CNRIP1: variants seen among roughly 807,000 people sequenced by gnomAD.
CNRIP1 encodes the protein cannabinoid receptor interacting protein 1, also known as CB1 cannabinoid receptor-interacting protein 1.
A neutral mutation model predicts 15.2 loss-of-function variants in CNRIP1; 10 were observed. The observed-to-expected ratio is 0.66, with a 90% CI of 0.41 to 1.12. The LOEUF (loss-of-function observed/expected upper bound fraction) is 1.12. Among genes scored for constraint, CNRIP1 ranks in the 50% most tolerant of loss-of-function variants. CNRIP1 has a pLI of 0.00. For missense variants in CNRIP1, 211 were observed against 214.7 expected, an observed-to-expected ratio of 0.98 and a Z score of 0.11; for synonymous variants, 91 against 83.2, an observed-to-expected ratio of 1.09 and a Z score of -0.51.
At chr2:68,296,552 G>A (rs1187857633) in intron 2 of CNRIP1, among the ~76,000 whole-genome samples, 1 of 119,486 alleles carries the variant, frequency 8.4e-6, no homozygotes, top group African/African-American at 3.0e-5. Context: ...AAATGTATGT[G>A]TATATATGTG....
At chr2:68,285,023 T>C (rs950588033) in intron 2 of CNRIP1, among the ~76,000 whole-genome samples, 82 of 152,204 alleles carry the variant, frequency 5.4e-4, no homozygotes, top group East Asian at 7.7e-4. Context: ...AGCTTCTCTT[T>C]GGATGTTCTC....
Position 68,319,432 on chromosome 2 carries a change from G to T in CNRIP1, c.-32C>A, listed in dbSNP as rs567322574. 1.5e-5 allele frequency: 22 copies of T among 1,495,252 alleles called. No individual in the cohort carries two copies. Among genetic ancestry groups the T allele is most frequent in the African/African-American group, 5.6e-5 (4 of 71,308 alleles). 92.6% of individuals were successfully genotyped at this position (1,495,252 alleles called of 1,614,324 possible). A position where few individuals can be genotyped will look rare whatever the true frequency, so the allele number is the denominator to read the frequency against. ...GCGAGGGTCTGGCGCGGCGGCTCCGGGGGGCGGAGGACAGCGCCGGCTGCG... is the reference window on the plus strand; with the variant it reads ...GCGAGGGTCTGGCGCGGCGGCTCCGTGGGGCGGAGGACAGCGCCGGCTGCG... On this transcript the variant is annotated 5_prime_UTR_variant, in exon 1 of 3. Coordinates refer to ENST00000263655, the MANE Select transcript of CNRIP1 (RefSeq NM_015463.3).
chr2:68,311,235 C>A, intron 2 of CNRIP1, among the ~76,000 whole-genome samples: 1 of 151,878 alleles, frequency 6.6e-6, no homozygotes, highest in African/African-American at 2.4e-5. Context: ...GCATCATAAC[C>A]AAACTACTGA....
At chr2:68,291,548 A>G (rs1573005119), downstream of CNRIP1, among the ~76,000 whole-genome samples, 1 of 151,970 alleles carries the variant, frequency 6.6e-6, no homozygotes, top group African/African-American at 2.4e-5. Flanking sequence ...GCTTTGACTC[A>G]TTTCAAACTC....
intron 2 of CNRIP1, among the ~76,000 whole-genome samples, chr2:68,296,750 G>A (rs1671375912): frequency 6.6e-6 from 1 of 152,124 alleles, no homozygotes; most frequent in Non-Finnish European, 1.5e-5. Context: ...CAATTCTCCT[G>A]CCTCAGCCTC....
exon 3 of CNRIP1, chr2:68,284,391 A>G (rs1670976696): frequency 3.0e-6 from 4 of 1,345,610 alleles, no homozygotes; most frequent in Non-Finnish European, 4.0e-6. Flanking sequence ...AAAAAAGAAC[A>G]TTTGTTCCTC....
At chr2:68,315,424 C>T (rs751010261) in intron 2 of CNRIP1, among the ~76,000 whole-genome samples, 8 of 152,124 alleles carry the variant, frequency 5.3e-5, no homozygotes, top group Non-Finnish European at 8.8e-5. Context: ...AATGCCTTAA[C>T]GTGCACATTT....
chr2:68,314,051 C>T (rs1387096497), intron 2 of CNRIP1, among the ~76,000 whole-genome samples: 2 of 152,096 alleles, frequency 1.3e-5, no homozygotes, highest in Non-Finnish European at 2.9e-5. Context: ...CTCAAGAAAA[C>T]CATCCCGCAA....
At position 68,294,074 on chromosome 2, in the gene CNRIP1, G is replaced by A. The variant is rs748766588; in HGVS notation, c.331-48C>T. On this transcript the variant is annotated intron_variant, in intron 2 of 2. Transcript: ENST00000263655. ...GATAAAAAACCTCATTCTGCCACGA[G>A]CAATAGATGAGAGCTAACATTAGTG... is the stretch of plus-strand genomic sequence containing the variant. 8 of 1,581,324 alleles carry A rather than the reference G, an allele frequency of 5.1e-6. No individual in the cohort carries two copies. In the South Asian group the frequency reaches 6.8e-5, roughly 13 times the overall value.
chr2:68,287,783 C>T (rs891588144), intron 2 of CNRIP1, among the ~76,000 whole-genome samples: 2 of 152,330 alleles, frequency 1.3e-5, no homozygotes, highest in East Asian at 1.9e-4. Context: ...TCATGTGCCT[C>T]GACGGGGGAG....
At chr2:68,311,779 GAAAAAAAAAA>G (rs59421926) in intron 2 of CNRIP1, among the ~76,000 whole-genome samples, 1 of 90,282 alleles carries the variant, frequency 1.1e-5, no homozygotes, top group Non-Finnish European at 2.1e-5. Context: ...CATCTCCGGG[GAAAAAAAAAA>G]AAAAAAAAAA....
At chr2:68,305,257 A>ATATATATAT (rs1440564058) in intron 2 of CNRIP1, among the ~76,000 whole-genome samples, 1 of 57,032 alleles carries the variant, frequency 1.8e-5, no homozygotes, top group African/African-American at 6.4e-5. Context: ...AAAAAAAAAA[A>ATATATATAT]AAATATATAT....
At chr2:68,299,339 C>G (rs1408827437) in intron 2 of CNRIP1, among the ~76,000 whole-genome samples, 2 of 152,120 alleles carry the variant, frequency 1.3e-5, no homozygotes, top group African/African-American at 4.8e-5. Flanking sequence ...AACCCCAATT[C>G]ATGTGGTGAA....
At chr2:68,297,567 C>CAAAAAAAAAAAAAAAAAAAAAA (rs112601365) in intron 2 of CNRIP1, among the ~76,000 whole-genome samples, 1 of 98,910 alleles carries the variant, frequency 1.0e-5, no homozygotes. Flanking sequence ...GACACTGTCT[C>CAAAAAAAAAAAAAAAAAAAAAA]AAAAAAAAAA....
intron 2 of CNRIP1, among the ~76,000 whole-genome samples, chr2:68,296,612 T>C (rs945765797): frequency 2.0e-5 from 3 of 151,912 alleles, no homozygotes; most frequent in Admixed American, 2.0e-4. Flanking sequence ...ATGGACTGTT[T>C]TATTTTCTCC....
intron 2 of CNRIP1, among the ~76,000 whole-genome samples, chr2:68,305,637 T>TCTGTG (rs1671809314): frequency 6.6e-6 from 1 of 150,682 alleles, no homozygotes; most frequent in African/African-American, 2.4e-5. Flanking sequence ...CTACTAAAAA[T>TCTGTG]ACAAAAGAAT....
At chr2:68,310,191 G>A (rs1339733548) in intron 2 of CNRIP1, among the ~76,000 whole-genome samples, 1 of 152,168 alleles carries the variant, frequency 6.6e-6, no homozygotes, top group Non-Finnish European at 1.5e-5. Flanking sequence ...AGCCAGGTGT[G>A]GTGGCACGCG....
intron 2 of CNRIP1, among the ~76,000 whole-genome samples, chr2:68,309,713 T>G (rs900558881): frequency 6.6e-6 from 1 of 152,116 alleles, no homozygotes; most frequent in Non-Finnish European, 1.5e-5. Context: ...GAAGACAGCA[T>G]CAGGACTGGC....
At chr2:68,318,203 G>A (rs17035267) in intron 1 of CNRIP1, among the ~76,000 whole-genome samples, 5,585 of 151,992 alleles carry the variant, frequency 0.037, 363 homozygotes, top group African/African-American at 0.13. Context: ...ATCCAGATTT[G>A]GTTCTAGGTC....
Sources: allele counts gnomAD v4.1 joint callset (sites outside exome capture counted in the v4.1 genomes callset), GRCh38; gene constraint gnomAD v4.1.1; transcripts MANE v1.5; gene names NCBI Gene and HGNC (gene_info 2026-07-23, HGNC 2026-07-21).